Variants in CAPN1 observed in about 807,000 individuals in gnomAD.
The protein encoded by CAPN1 is calpain 1.
Under a neutral mutation model 105.2 loss-of-function variants are expected in CAPN1, and 77 were observed. That is an observed-to-expected ratio of 0.73 (90% confidence interval 0.61 to 0.88). The LOEUF (loss-of-function observed/expected upper bound fraction) is 0.88, where lower values mean the gene tolerates loss of function less well. Ranked by LOEUF, CAPN1 falls within the 40% of genes least tolerant of loss-of-function variation. CAPN1 has a pLI of 0.00. For synonymous variants in CAPN1, 355 were observed against 388.8 expected (o/e 0.91, Z 1.02); for missense variants, 833 against 976.6 (o/e 0.85, Z 1.96).
At chr11:65,205,118 G>A (rs1375855087) in intron 11 of CAPN1, among the ~76,000 whole-genome samples, 1 of 152,240 alleles carries the variant, frequency 6.6e-6, no homozygotes. Context: ...ACGCTTAGAG[G>A]GCGGCCTGCT....
intron 10 of CAPN1, among the ~76,000 whole-genome samples, chr11:65,200,118 C>T (rs561892647): frequency 1.3e-5 from 2 of 152,096 alleles, no homozygotes; most frequent in Non-Finnish European, 2.9e-5. Context: ...GGCATAACCT[C>T]AGCTCACTTC....
Position 65,187,266 on chromosome 11 carries a change from G to T in CAPN1, c.811G>T (p.Gly271Cys). 1 of 1,613,388 alleles carries T rather than the reference G, an allele frequency of 6.2e-7. No homozygotes were observed. The change falls in exon 7 of 22, where the codon GGC (glycine) becomes TGC (cysteine). Residue 271 changes from glycine (G) to cysteine (C), a missense_variant. By Grantham distance (159) the Gly-to-Cys change is radical (BLOSUM62 -3). Coordinates refer to ENST00000279247, the MANE Select transcript of CAPN1 (RefSeq NM_005186.4). The part of the protein sequence containing the change: ...EAITFKKLVK[G>C]HAYSVTGAKQ... The stretch of plus-strand genomic sequence containing the variant: ...CATCACTTTCAAGAAGTTGGTGAAG[G>T]GCCATGCCTACTCTGTGACCGGGGC...
At position 65,209,854 on chromosome 11, in the gene CAPN1, T is replaced by C. The variant is rs754097308; in HGVS notation, c.1800T>C (p.Asp600=). The C allele has an allele frequency of 6.2e-7, 1 of 1,613,696 alleles. No individual in the cohort carries two copies. The highest frequency in any genetic ancestry group is 2.2e-5 in the East Asian group (1 of 44,872). The change falls in exon 18 of 22, where the codon GAT becomes GAC. Residue 600 remains aspartate, a synonymous_variant. Coordinates refer to ENST00000279247, the MANE Select transcript of CAPN1 (RefSeq NM_005186.4). The surrounding 1 kb of genome is among the most constrained non-coding windows in gnomAD (Gnocchi z 4.1). ...CRSMVNLMDR[D]GNGKLGLVEF... The stretch of plus-strand genomic sequence containing the variant: ...CCTTCTTAACGGCCACCCAGCGTGA[T>C]GGCAATGGGAAGCTGGGCCTGGTGG...
chr11:65,182,625 G>C, intron 1 of CAPN1, 76 bp from the exon 2 acceptor site: 1 of 1,418,422 alleles, frequency 7.1e-7, no homozygotes, highest in South Asian at 1.5e-5. Context: ...GGGCAGGAGA[G>C]CAGAGCTTGC....
rs1037600721 is a variant in CAPN1, at chr11:65,208,150, G to T, written c.1671+30G>T. The T allele has an allele frequency of 2.5e-6, 4 of 1,599,750 alleles. No individual in the cohort carries two copies. The highest frequency in any genetic ancestry group is 3.4e-6 in the Non-Finnish European group (4 of 1,173,326). ...GTTGGGGCATGGCAGGTTGGGAGGG[G>T]CCTGTGAGGGGCAGCCCTCTCCTGG... On this transcript the variant is annotated intron_variant, in intron 15 of 21. Coordinates refer to ENST00000279247, the MANE Select transcript of CAPN1 (RefSeq NM_005186.4). The surrounding 1 kb of genome is among the most constrained non-coding windows in gnomAD (Gnocchi z 4.1).
chr11:65,181,805 C>T (rs1948536293), upstream of CAPN1: 5 of 219,226 alleles, frequency 2.3e-5, no homozygotes, highest in South Asian at 1.2e-4. The surrounding 1 kb of genome is among the most constrained non-coding windows in gnomAD (Gnocchi z 4.6). Flanking sequence ...TAGTCAGAGA[C>T]CGTGCCGGAG....
rs1341079597 is a variant in CAPN1 at position 65,209,141 on chromosome 11, T to A, written c.1730-182T>A. ...GTGGCTGTTGGGACTTTGGCTTGAT[T>A]GCTAAAATACTTTACTTGTACTTCC... On this transcript the variant is annotated intron_variant, in intron 16 of 21. Coordinates refer to ENST00000279247, the MANE Select transcript of CAPN1 (RefSeq NM_005186.4). The surrounding 1 kb of genome is among the most constrained non-coding windows in gnomAD (Gnocchi z 4.1). The A allele has an allele frequency of 1.6e-6, 1 of 607,056 alleles. No homozygotes were observed. The highest frequency in any genetic ancestry group is 3.0e-6 in the Non-Finnish European group (1 of 335,774). 37.6% of individuals were successfully genotyped at this position (607,056 alleles called of 1,614,324 possible).
At chr11:65,202,737 CT>C in intron 10 of CAPN1, among the ~76,000 whole-genome samples, 2 of 152,106 alleles carry the variant, frequency 1.3e-5, no homozygotes, top group Non-Finnish European at 2.9e-5. Flanking sequence ...GCCACTGCAC[CT>C]GGCCATATAT....
intron 10 of CAPN1, among the ~76,000 whole-genome samples, chr11:65,200,489 G>A (rs1180774257): frequency 1.3e-5 from 2 of 151,978 alleles, no homozygotes; most frequent in South Asian, 2.1e-4. Context: ...GATTACAGGC[G>A]TGTGCCACTA....
intron 10 of CAPN1, among the ~76,000 whole-genome samples, chr11:65,200,180 G>T (rs1271286557): frequency 6.6e-6 from 1 of 151,950 alleles, no homozygotes; most frequent in Non-Finnish European, 1.5e-5. Context: ...CTTCCCAGTA[G>T]CTGGGACTAC....
chr11:65,195,606 CT>C (rs1948783556), intron 10 of CAPN1, among the ~76,000 whole-genome samples: 1 of 151,988 alleles, frequency 6.6e-6, no homozygotes, highest in African/African-American at 2.4e-5. Flanking sequence ...GTGTATATTC[CT>C]TTTAATATGC....
chr11:65,208,255 C>T lies in CAPN1; in HGVS notation c.1722C>T (p.Ile574=). The T allele has an allele frequency of 6.4e-7, 1 of 1,565,092 alleles. No homozygotes were observed. Among genetic ancestry groups the T allele is most frequent in the Non-Finnish European group, 8.7e-7 (1 of 1,154,730 alleles). Residue 574 remains isoleucine, a synonymous_variant, in exon 16 of 22, where the codon ATC becomes ATT. Coordinates refer to ENST00000279247, the MANE Select transcript of CAPN1 (RefSeq NM_005186.4). This position sits in a 1 kb window ranked among gnomAD's most constrained non-coding sequence, Gnocchi z 4.1. Reference sequence around the variant, plus strand: ...TGCGGACAATCCTCAATAGGATCATCAGCAAACGTGAGTCCCCGCGGGGCT... The same window carrying T: ...TGCGGACAATCCTCAATAGGATCATTAGCAAACGTGAGTCCCCGCGGGGCT... The part of the protein sequence containing the change: ...KELRTILNRI[I]SKHKDLRTKG...
Position 65,209,860 on chromosome 11 carries a change from T to C in CAPN1, c.1806T>C (p.Asn602=). ...SMVNLMDRDG[N]GKLGLVEFNI... is the part of the protein sequence containing the mutation. ...TAACGGCCACCCAGCGTGATGGCAA[T>C]GGGAAGCTGGGCCTGGTGGAGTTCA... Residue 602 remains asparagine (N), a synonymous_variant, in exon 18 of 22, where the codon AAT becomes AAC. Transcript: ENST00000279247. The surrounding 1 kb of genome is among the most constrained non-coding windows in gnomAD (Gnocchi z 4.1). 3 of 1,613,682 alleles carry C rather than the reference T, an allele frequency of 1.9e-6. No individual in the cohort carries two copies. The highest frequency in any genetic ancestry group is 2.5e-6 in the Non-Finnish European group (3 of 1,179,858).
At position 65,206,693 on chromosome 11, in the gene CAPN1, C is replaced by T; in HGVS notation, c.1565+19C>T. On this transcript the variant is annotated intron_variant, in intron 13 of 21. Coordinates refer to ENST00000279247, the MANE Select transcript of CAPN1 (RefSeq NM_005186.4). The stretch of plus-strand genomic sequence containing the variant: ...GGACTGTGTGAGTCATGGACTGGCC[C>T]CTGCCACTCTCCCCTCTCCCAGCCT... The T allele has an allele frequency of 6.2e-7, 1 of 1,611,758 alleles. No individual in the cohort carries two copies. Among genetic ancestry groups the T allele is most frequent in the South Asian group, 1.1e-5 (1 of 90,990 alleles).
At chr11:65,202,272 C>T (rs1948882993) in intron 10 of CAPN1, among the ~76,000 whole-genome samples, 1 of 152,108 alleles carries the variant, frequency 6.6e-6, no homozygotes, top group Non-Finnish European at 1.5e-5. Flanking sequence ...AGCCCTTTAG[C>T]ATTATTTACC....
At chr11:65,185,741 T>C in intron 4 of CAPN1, 176 bp from the exon 5 acceptor site, 1 of 601,968 alleles carries the variant, frequency 1.7e-6, no homozygotes, top group Non-Finnish European at 2.8e-6. Flanking sequence ...CTACTATGTA[T>C]CTGGTATACC....
intron 4 of CAPN1, 81 bp from the exon 5 acceptor site, chr11:65,185,836 C>A: frequency 2.1e-6 from 3 of 1,421,688 alleles, no homozygotes; most frequent in African/African-American, 1.4e-5. Flanking sequence ...TAGAATCCTG[C>A]ATCTAGGAAG....
intron 10 of CAPN1, among the ~76,000 whole-genome samples, chr11:65,199,369 T>C (rs1048199116): frequency 3.7e-4 from 56 of 152,330 alleles, no homozygotes; most frequent in Non-Finnish European, 1.9e-4. Context: ...ATCTTAATTT[T>C]TTTTTTCTTT....
chr11:65,194,711 T>C (rs1222099131), intron 10 of CAPN1, among the ~76,000 whole-genome samples: 3 of 152,244 alleles, frequency 2.0e-5, no homozygotes, highest in Non-Finnish European at 1.5e-5. Context: ...ACTTCATCTC[T>C]TTTTTATGGC....
Sources: allele counts gnomAD v4.1 joint callset (sites outside exome capture counted in the v4.1 genomes callset), GRCh38; gene constraint gnomAD v4.1.1; non-coding constraint Gnocchi (gnomAD v3.1); transcripts MANE v1.5; gene names NCBI Gene and HGNC (gene_info 2026-07-23, HGNC 2026-07-21).